The following OCA2 variants were observed in gnomAD, a reference collection of about 807,000 sequenced individuals.
The protein encoded by OCA2 is OCA2 melanosomal transmembrane protein, also known as P protein.
Under a neutral mutation model 100.2 loss-of-function variants are expected in OCA2, and 77 were observed. The observed-to-expected ratio is 0.77, with a 90% CI of 0.64 to 0.93. The LOEUF (loss-of-function observed/expected upper bound fraction) is 0.93. OCA2 is among the 40% of genes least tolerant of loss of function. The probability of loss-of-function intolerance (pLI) is 0.00; values close to 1 mark genes in which losing one functional copy is unlikely to be tolerated. For missense variants in OCA2, 1,062 were observed against 1,089.1 expected, an observed-to-expected ratio of 0.98 and a Z score of 0.35; for synonymous variants, 432 against 439.2, an observed-to-expected ratio of 0.98 and a Z score of 0.21.
At chr15:27,802,968 A>G (rs541238337) in intron 23 of OCA2, among the ~76,000 whole-genome samples, 1 of 152,378 alleles carries the variant, frequency 6.6e-6, no homozygotes, top group African/African-American at 2.4e-5. Context: ...AAAAGAATGA[A>G]CAGACAAGCC....
At chr15:27,918,604 A>G (rs1233001845) in intron 19 of OCA2, among the ~76,000 whole-genome samples, 3 of 152,228 alleles carry the variant, frequency 2.0e-5, no homozygotes, top group Non-Finnish European at 4.4e-5. Flanking sequence ...GTCACAAATG[A>G]AAATTCTTTG....
At chr15:27,807,265 C>T (rs2033895687) in intron 23 of OCA2, among the ~76,000 whole-genome samples, 1 of 152,112 alleles carries the variant, frequency 6.6e-6, no homozygotes, top group Admixed American at 6.5e-5. Flanking sequence ...GGGTCTTTCC[C>T]CAGGGCTCCT....
intron 3 of OCA2, among the ~76,000 whole-genome samples, chr15:28,029,311 G>A (rs3794602): frequency 0.077 from 11,717 of 152,102 alleles, 1,489 homozygotes; most frequent in East Asian, 0.66. Flanking sequence ...GAAAATAGTC[G>A]ATAATCCTAT....
chr15:27,895,746 G>T, intron 19 of OCA2: 1 of 318,688 alleles, frequency 3.1e-6, no homozygotes, highest in Non-Finnish European at 6.1e-6. Flanking sequence ...TACTTTAAGA[G>T]ATATCAAGCG....
intron 23 of OCA2, among the ~76,000 whole-genome samples, chr15:27,814,883 T>TATAA (rs2034219892): frequency 9.8e-6 from 1 of 101,756 alleles, no homozygotes; most frequent in Non-Finnish European, 2.1e-5. Flanking sequence ...ATTCTCTCTC[T>TATAA]ATAGATAGAT....
At chr15:28,003,968 T>A (rs1221301761) in intron 9 of OCA2, among the ~76,000 whole-genome samples, 1 of 152,230 alleles carries the variant, frequency 6.6e-6, no homozygotes, top group East Asian at 1.9e-4. Flanking sequence ...TTCCCGGCTC[T>A]GCTGGTGTCC....
chr15:27,889,910 A>T (rs74754734), intron 19 of OCA2, among the ~76,000 whole-genome samples: 4,508 of 152,244 alleles, frequency 0.03, 225 homozygotes, highest in African/African-American at 0.1. Flanking sequence ...AGATCTCTGG[A>T]GCTTCAGTTT....
chr15:27,855,780 A>C (rs914037650), intron 21 of OCA2, among the ~76,000 whole-genome samples: 1 of 152,216 alleles, frequency 6.6e-6, no homozygotes, highest in Non-Finnish European at 1.5e-5. Flanking sequence ...CTTGCTTTAC[A>C]GTGGCAGACA....
chr15:27,760,611 C>A (rs1255930952), intron 23 of OCA2, among the ~76,000 whole-genome samples: 2 of 151,820 alleles, frequency 1.3e-5, no homozygotes, highest in East Asian at 3.9e-4. Context: ...TGGTCAATAT[C>A]AATGAAACAG....
intron 2 of OCA2, among the ~76,000 whole-genome samples, chr15:28,078,041 T>C (rs537529635): frequency 6.6e-6 from 1 of 152,210 alleles, no homozygotes; most frequent in Non-Finnish European, 1.5e-5. Context: ...ATTGCACCAC[T>C]GCACTCCAGC....
intron 19 of OCA2, among the ~76,000 whole-genome samples, chr15:27,913,505 C>T (rs2140275013): frequency 6.6e-6 from 1 of 151,932 alleles, no homozygotes; most frequent in South Asian, 2.1e-4. Context: ...ACTATTTCTC[C>T]ACGTGTTTTG....
At chr15:27,870,810 A>AAGAGAG (rs149989219) in intron 21 of OCA2, among the ~76,000 whole-genome samples, 3 of 88,138 alleles carry the variant, frequency 3.4e-5, no homozygotes, top group South Asian at 3.8e-4. Context: ...GAAAGAAAGA[A>AAGAGAG]AGAGAGAGAG....
intron 23 of OCA2, among the ~76,000 whole-genome samples, chr15:27,771,075 CCTCCCTCCCTCTTTT>C (rs1265983976): frequency 6.7e-6 from 1 of 150,110 alleles, no homozygotes; most frequent in Non-Finnish European, 1.5e-5. Flanking sequence ...TCCCTCCCTT[CCTCCCTCCCTCTTTT>C]CTCCCTCCAT....
chr15:27,963,867 G>A (rs887224351), intron 15 of OCA2, among the ~76,000 whole-genome samples: 20 of 152,208 alleles, frequency 1.3e-4, no homozygotes, highest in Middle Eastern at 3.4e-3. Flanking sequence ...CAAAGAGAGA[G>A]AGAAGACACA....
intron 18 of OCA2, among the ~76,000 whole-genome samples, chr15:27,929,537 T>C (rs2140400585): frequency 6.6e-6 from 1 of 152,242 alleles, no homozygotes; most frequent in East Asian, 1.9e-4. Flanking sequence ...ATAAAACTTC[T>C]GGAAGAAAAT....
At chr15:28,062,667 C>T (rs2043910055) in intron 2 of OCA2, among the ~76,000 whole-genome samples, 3 of 152,080 alleles carry the variant, frequency 2.0e-5, no homozygotes, top group South Asian at 2.1e-4. Context: ...ATGTTTTCTT[C>T]TAGGAGTTTT....
At chr15:28,074,413 G>A (rs2044361397) in intron 2 of OCA2, among the ~76,000 whole-genome samples, 1 of 151,918 alleles carries the variant, frequency 6.6e-6, no homozygotes, top group Non-Finnish European at 1.5e-5. Flanking sequence ...GGTGGCTCAC[G>A]CCTGTAATCC....
At position 27,787,096 on chromosome 15, in the gene OCA2, T is replaced by C. The variant is rs141223106; in HGVS notation, c.2433-31624A>G. Among the ~76,000 whole-genome samples the C allele has an allele frequency of 1.8e-3, 281 of 152,276 alleles. 2 individuals carry two copies. Among genetic ancestry groups the C allele is most frequent in the African/African-American group, 6.5e-3 (272 of 41,582 alleles). On this transcript the variant is annotated intron_variant, in intron 23 of 23. Transcript: ENST00000354638. Reference sequence around the variant, plus strand: ...AAAAGGAATAATTAGGCTAACTGATTTTTGAATGTTAAAGCAAATCTTGCA... The same window carrying C: ...AAAAGGAATAATTAGGCTAACTGATCTTTGAATGTTAAAGCAAATCTTGCA...
At chr15:27,814,882 C>T (rs1412107843) in intron 23 of OCA2, among the ~76,000 whole-genome samples, 1 of 136,576 alleles carries the variant, frequency 7.3e-6, no homozygotes, top group Non-Finnish European at 1.6e-5. Flanking sequence ...GATTCTCTCT[C>T]TATAGATAGA....
Sources: gnomAD v4.1 joint callset for allele counts (sites outside exome capture counted in the v4.1 genomes callset) on GRCh38, gnomAD v4.1.1 for gene constraint, MANE v1.5 for transcripts, NCBI Gene and HGNC (gene_info 2026-07-23, HGNC 2026-07-21) for gene names.